WDHD1: variants seen among roughly 807,000 people sequenced by gnomAD.
WDHD1 encodes the protein WD repeat and HMG-box DNA binding protein 1.
Under a neutral mutation model 135.4 loss-of-function variants are expected in WDHD1, and 111 were observed. The ratio of observed to expected loss-of-function variants is 0.82; its 90% CI spans 0.70 to 0.96. The LOEUF is 0.96. WDHD1 is among the 40% of genes least tolerant of loss of function. The pLI, the probability that WDHD1 is intolerant of heterozygous loss-of-function variation, is 0.00. For synonymous variants in WDHD1, 434 were observed against 439.0 expected, an observed-to-expected ratio of 0.99 and a Z score of 0.14; for missense variants, 1,351 against 1,336.3, an observed-to-expected ratio of 1.01 and a Z score of -0.17.
At chr14:54,991,951 A>G (rs1282500901) in intron 11 of WDHD1, among the ~76,000 whole-genome samples, 1 of 152,234 alleles carries the variant, frequency 6.6e-6, no homozygotes, top group Non-Finnish European at 1.5e-5. Flanking sequence ...TTTGTTGCCA[A>G]TGATAACATT....
In WDHD1 at chr14:54,963,032, T is replaced by C. The variant is rs2041279232; in HGVS notation, c.2451A>G (p.Val817=). The C allele has an allele frequency of 6.2e-7, 1 of 1,614,030 alleles. No individual in the cohort carries two copies. Residue 817 remains valine (V), a synonymous_variant, in exon 19 of 26, where the codon GTA becomes GTG. Transcript: ENST00000360586. ...TTGCTGTCAATTCGGCTGCCTTCTCTACAGCCAGTTCACTTAGTTTTTGAG... is the reference window on the plus strand; with the variant it reads ...TTGCTGTCAATTCGGCTGCCTTCTCCACAGCCAGTTCACTTAGTTTTTGAG... The part of the protein sequence containing the change: ...ILAQKLSELA[V]EKAAELTATQ...
intron 2 of WDHD1, among the ~76,000 whole-genome samples, chr14:55,017,151 C>G (rs1187827225): frequency 6.6e-6 from 1 of 152,104 alleles, no homozygotes; most frequent in Non-Finnish European, 1.5e-5. Flanking sequence ...AAGTTTAACA[C>G]TAATGATAAA....
rs184113528 is a variant in WDHD1, at chr14:54,960,745, C to A, written c.2701+1753G>T. On this transcript the variant is annotated intron_variant, in intron 21 of 25. Transcript: ENST00000360586. ...GGTCTTGAACTCCTGACCTCAAGTG[C>A]TCCACCTGCCTCGGCCTCCCAAAGT... Among the ~76,000 whole-genome samples, 474 of 149,922 alleles carry A rather than the reference C, an allele frequency of 3.2e-3. 3 individuals are homozygous for A. The highest frequency in any genetic ancestry group is 0.011 in the African/African-American group (457 of 40,704).
intron 2 of WDHD1, among the ~76,000 whole-genome samples, chr14:55,018,010 G>A (rs1458432023): frequency 1.3e-5 from 2 of 151,936 alleles, no homozygotes; most frequent in East Asian, 1.9e-4. Context: ...CCTCAGCAGC[G>A]CACAAACCGA....
intron 24 of WDHD1, among the ~76,000 whole-genome samples, chr14:54,945,547 TG>T (rs1289654267): frequency 2.0e-5 from 3 of 152,166 alleles, no homozygotes; most frequent in African/African-American, 4.8e-5. Flanking sequence ...CCAAAGTCTA[TG>T]TTTTTTTGTA....
At chr14:54,970,784 C>T (rs1272255691) in intron 16 of WDHD1, among the ~76,000 whole-genome samples, 1 of 151,982 alleles carries the variant, frequency 6.6e-6, no homozygotes, top group Non-Finnish European at 1.5e-5. Context: ...CCCAAATAGC[C>T]AAAGGATCTA....
Position 54,972,587 on chromosome 14 carries a change from AAAAT to A in WDHD1, c.2064-5197_2064-5194del, listed in dbSNP as rs2041457750. ...AAAAAAAAAAAAAAAAAAAAAAAAA[AAAAT>A]GCCAATGAGGCATATTCACTTTCAT... is the stretch of plus-strand genomic sequence containing the variant. On this transcript the variant is annotated intron_variant, in intron 16 of 25. Coordinates refer to ENST00000360586, the MANE Select transcript of WDHD1 (RefSeq NM_007086.4). 5.0e-5 allele frequency among the ~76,000 whole-genome samples: 4 copies of A among 79,308 alleles called. 1 individual carries two copies. Among genetic ancestry groups the A allele is most frequent in the African/African-American group, 2.8e-4 (3 of 10,854 alleles). The allele number at this position is 79,308 out of a possible 152,430, so 52.0% of individuals were successfully genotyped here. A position where few individuals can be genotyped will look rare whatever the true frequency, so the allele number is the denominator to read the frequency against.
chr14:55,021,739 TC>T (rs2042351983), intron 2 of WDHD1, among the ~76,000 whole-genome samples: 1 of 152,286 alleles, frequency 6.6e-6, no homozygotes, highest in Middle Eastern at 3.4e-3. Flanking sequence ...ATTACTTCGC[TC>T]CCTTATCTTT....
Position 55,025,812 on chromosome 14 carries a change from C to A in WDHD1, c.77+899G>T, listed in dbSNP as rs777616054. 7.2e-5 allele frequency among the ~76,000 whole-genome samples: 11 copies of A among 152,304 alleles called. No homozygotes were observed. The East Asian group carries it at 1.9e-3, about 27-fold the overall frequency. On this transcript the variant is annotated intron_variant, in intron 2 of 25. Transcript: ENST00000360586. ...TACCATGATCCCTGGCCCCATTGGGCCTTTACACACAGTATTGCCTCTGCT... is the reference window on the plus strand; with the variant it reads ...TACCATGATCCCTGGCCCCATTGGGACTTTACACACAGTATTGCCTCTGCT...
chr14:54,949,616 G>T (rs1350626326), intron 24 of WDHD1, among the ~76,000 whole-genome samples: 1 of 152,174 alleles, frequency 6.6e-6, no homozygotes, highest in Non-Finnish European at 1.5e-5. Flanking sequence ...AACCTAGCAA[G>T]GCAGGCCAAC....
intron 16 of WDHD1, among the ~76,000 whole-genome samples, chr14:54,980,230 C>T (rs1240370363): frequency 2.0e-5 from 3 of 151,752 alleles, no homozygotes; most frequent in South Asian, 2.1e-4. Context: ...GTGGGAGGAT[C>T]GCTTGAGCCC....
At chr14:54,976,062 C>G (rs867404325) in intron 16 of WDHD1, among the ~76,000 whole-genome samples, 1 of 152,062 alleles carries the variant, frequency 6.6e-6, no homozygotes, top group Non-Finnish European at 1.5e-5. Context: ...GGCTACTGAA[C>G]GAGGATTTCA....
intron 17 of WDHD1, 106 bp downstream of exon 17, chr14:54,967,174 T>C (rs2041358387): frequency 3.2e-6 from 3 of 927,528 alleles, no homozygotes; most frequent in Non-Finnish European, 3.3e-6. Context: ...TATGTAATTA[T>C]ACAGTAATGA....
At chr14:54,941,824 C>A in intron 25 of WDHD1, 134 bp from the exon 26 acceptor site, 3 of 724,790 alleles carry the variant, frequency 4.1e-6, no homozygotes, top group Non-Finnish European at 6.5e-6. Flanking sequence ...TAAGTGTTCT[C>A]ATTGTTAACA....
At chr14:55,013,656 A>C in intron 2 of WDHD1, 60 bp from the exon 3 acceptor site, 1 of 1,334,538 alleles carries the variant, frequency 7.5e-7, no homozygotes, top group African/African-American at 1.4e-5. Context: ...CTATAATGCT[A>C]GCACTTTGGG....
intron 24 of WDHD1, 36 bp from the exon 25 acceptor site, chr14:54,944,506 A>T (rs137954627): frequency 6.5e-7 from 1 of 1,536,834 alleles, no homozygotes; most frequent in Admixed American, 2.3e-5. Flanking sequence ...TTTTATACTT[A>T]AGACAGAGTT....
At chr14:54,966,364 A>C (rs1183695944) in intron 18 of WDHD1, 111 bp downstream of exon 18, 29 of 1,324,414 alleles carry the variant, frequency 2.2e-5, no homozygotes, top group Non-Finnish European at 2.8e-5. Context: ...ACAAAAAAAA[A>C]CTTAAGAATC....
At chr14:54,987,046 G>T (rs879403653) in intron 14 of WDHD1, 100 bp downstream of exon 14, 55 of 1,345,980 alleles carry the variant, frequency 4.1e-5, no homozygotes, top group Non-Finnish European at 5.3e-5. Flanking sequence ...GGATTCAAAA[G>T]GAAGTATATA....
intron 16 of WDHD1, among the ~76,000 whole-genome samples, chr14:54,978,992 T>C (rs1339462819): frequency 1.3e-5 from 2 of 152,188 alleles, no homozygotes; most frequent in Non-Finnish European, 2.9e-5. Context: ...CTTTTTTCAT[T>C]CCTTTCATTG....
Sources: gnomAD v4.1 joint callset for allele counts (sites outside exome capture counted in the v4.1 genomes callset) on GRCh38, gnomAD v4.1.1 for gene constraint, MANE v1.5 for transcripts, NCBI Gene and HGNC (gene_info 2026-07-23, HGNC 2026-07-21) for gene names.